Variants in CRYBG1 observed in about 807,000 individuals in gnomAD.
CRYBG1 encodes crystallin beta-gamma domain containing 1, also known as beta/gamma crystallin domain-containing protein 1.
A neutral mutation model predicts 189.2 loss-of-function variants in CRYBG1; 139 were observed. The observed-to-expected ratio is 0.73, with a 90% CI of 0.64 to 0.85. The LOEUF (loss-of-function observed/expected upper bound fraction) is 0.85, where lower values mean the gene tolerates loss of function less well. Among genes scored for constraint, CRYBG1 ranks in the 40% least tolerant of loss-of-function variants. The probability of loss-of-function intolerance (pLI) is 0.00; values close to 1 mark genes in which losing one functional copy is unlikely to be tolerated. For missense variants in CRYBG1, 2,611 were observed against 2,675.8 expected, an observed-to-expected ratio of 0.98 and a Z score of 0.53; for synonymous variants, 1,023 against 1,017.1, an observed-to-expected ratio of 1.01 and a Z score of -0.11.
chr6:106,392,149 G>T (rs942264819), intron 1 of CRYBG1, among the ~76,000 whole-genome samples: 3 of 152,102 alleles, frequency 2.0e-5, no homozygotes, highest in Non-Finnish European at 4.4e-5. Flanking sequence ...GTGTGGCTGT[G>T]GGAGTTACAA....
chr6:106,517,403 C>T (rs897076389), intron 3 of CRYBG1, among the ~76,000 whole-genome samples: 6 of 83,916 alleles, frequency 7.2e-5, no homozygotes, highest in Non-Finnish European at 1.7e-4. Flanking sequence ...TATATATATA[C>T]ACACACACAT....
chr6:106,485,242 A>T (rs926633217), intron 2 of CRYBG1, among the ~76,000 whole-genome samples: 3 of 152,082 alleles, frequency 2.0e-5, no homozygotes, highest in African/African-American at 7.2e-5. Context: ...AGATATCTTA[A>T]TTTTTTGTAG....
Position 106,552,221 on chromosome 6 carries a change from CT to C in CRYBG1, c.5472+8del. On this transcript the variant is annotated splice_donor_region_variant and intron_variant, in intron 15 of 21. Coordinates refer to ENST00000633556, the MANE Select transcript of CRYBG1 (RefSeq NM_001371242.2). ...GGCCCAAGGAGACGAAATCAGGTAA[CT>C]TTAAAAATATTCTTTTATATTAATA... is the stretch of plus-strand genomic sequence containing the variant. 6.5e-7 allele frequency: 1 copy of C among 1,538,238 alleles called. No homozygotes were observed. The highest frequency in any genetic ancestry group is 1.2e-5 in the South Asian group (1 of 82,518).
At chr6:106,517,461 TATACAC>T (rs369291996) in intron 3 of CRYBG1, among the ~76,000 whole-genome samples, 39 of 105,886 alleles carry the variant, frequency 3.7e-4, no homozygotes, top group South Asian at 3.6e-3. Flanking sequence ...CACATATATA[TATACAC>T]ACACACATAT....
chr6:106,551,743 C>A, intron 13 of CRYBG1, 109 bp from the exon 14 acceptor site: 1 of 1,286,748 alleles, frequency 7.8e-7, no homozygotes, highest in Non-Finnish European at 1.1e-6. Context: ...ATTAAAATTT[C>A]AATTGGCAAA....
At chr6:106,362,419 G>C (rs1470910189) in intron 1 of CRYBG1, among the ~76,000 whole-genome samples, 1 of 152,164 alleles carries the variant, frequency 6.6e-6, no homozygotes, top group Non-Finnish European at 1.5e-5. Context: ...AGTCTCTTGT[G>C]GATACCAAAA....
intron 2 of CRYBG1, among the ~76,000 whole-genome samples, chr6:106,486,969 T>C (rs973230781): frequency 6.6e-6 from 1 of 152,180 alleles, no homozygotes; most frequent in Non-Finnish European, 1.5e-5. Flanking sequence ...TCTGGTTTTT[T>C]TGTAGATTGT....
chr6:106,367,939 G>A (rs1173258238), intron 1 of CRYBG1, among the ~76,000 whole-genome samples: 14 of 152,128 alleles, frequency 9.2e-5, no homozygotes. Context: ...GACAGAGTGA[G>A]ACCTTGTCTC....
chr6:106,445,832 C>T (rs1007429202), intron 1 of CRYBG1, among the ~76,000 whole-genome samples: 5 of 152,214 alleles, frequency 3.3e-5, no homozygotes, highest in African/African-American at 1.2e-4. Context: ...GACAACACTG[C>T]TTCTGAAGGA....
intron 1 of CRYBG1, among the ~76,000 whole-genome samples, chr6:106,451,115 T>C (rs1242554083): frequency 6.6e-6 from 1 of 152,138 alleles, no homozygotes; most frequent in Non-Finnish European, 1.5e-5. Context: ...GGGAGAACAG[T>C]GAAGGGTTGG....
intron 1 of CRYBG1, among the ~76,000 whole-genome samples, chr6:106,433,312 T>C (rs1295891754): frequency 1.3e-5 from 2 of 152,216 alleles, no homozygotes; most frequent in African/African-American, 4.8e-5. Context: ...ATCTTCATAC[T>C]GTGCACCTCT....
At chr6:106,454,370 C>T (rs1004528199) in intron 2 of CRYBG1, among the ~76,000 whole-genome samples, 1 of 152,236 alleles carries the variant, frequency 6.6e-6, no homozygotes, top group Non-Finnish European at 1.5e-5. Context: ...CACCCACACA[C>T]ACACCCCACT....
intron 2 of CRYBG1, among the ~76,000 whole-genome samples, chr6:106,487,701 A>G (rs1772623161): frequency 6.6e-6 from 1 of 152,168 alleles, no homozygotes; most frequent in Non-Finnish European, 1.5e-5. Context: ...TTTCTCATAC[A>G]GATTATGAAT....
intron 2 of CRYBG1, among the ~76,000 whole-genome samples, chr6:106,470,382 A>T (rs2114465913): frequency 6.6e-6 from 1 of 152,180 alleles, no homozygotes; most frequent in Middle Eastern, 3.4e-3. Context: ...ACTGACAAAA[A>T]ATTGGCTATA....
At chr6:106,562,305 G>A (rs1384111674) in intron 20 of CRYBG1, among the ~76,000 whole-genome samples, 1 of 152,126 alleles carries the variant, frequency 6.6e-6, no homozygotes, top group Admixed American at 6.5e-5. Flanking sequence ...AGAAGTAGTT[G>A]TAATATGGAA....
At position 106,519,435 on chromosome 6, in the gene CRYBG1, C is replaced by T. The variant is rs151131041; in HGVS notation, c.2227C>T (p.Leu743=). The part of the protein sequence containing the change: ...VMPNSPQNGV[L]VKETAIETKV... Reference sequence around the variant, plus strand: ...GCCAAACAGTCCCCAGAATGGTGTGCTGGTTAAGGAAACTGCTATAGAAAC... The same window carrying T: ...GCCAAACAGTCCCCAGAATGGTGTGTTGGTTAAGGAAACTGCTATAGAAAC... Residue 743 remains leucine, a synonymous_variant, in exon 4 of 22, where the codon CTG becomes TTG. Transcript: ENST00000633556. 6.2e-7 allele frequency: 1 copy of T among 1,614,072 alleles called. No individual in the cohort carries two copies. Among genetic ancestry groups the T allele is most frequent in the African/African-American group, 1.3e-5 (1 of 75,038 alleles).
At chr6:106,487,163 T>C (rs541522885) in intron 2 of CRYBG1, among the ~76,000 whole-genome samples, 47 of 152,336 alleles carry the variant, frequency 3.1e-4, no homozygotes, top group Non-Finnish European at 5.4e-4. Context: ...TGTTAACAAC[T>C]TAACTTTGGT....
intron 4 of CRYBG1, among the ~76,000 whole-genome samples, chr6:106,524,234 T>G (rs763274764): frequency 2.6e-5 from 4 of 152,148 alleles, no homozygotes; most frequent in Non-Finnish European, 5.9e-5. Flanking sequence ...ATGATTAGTT[T>G]TGGAGCCATA....
chr6:106,500,385 ATTTTCATT>A (rs971128411), intron 2 of CRYBG1, among the ~76,000 whole-genome samples: 1 of 148,768 alleles, frequency 6.7e-6, no homozygotes, highest in African/African-American at 2.5e-5. Flanking sequence ...TATAATTTTC[ATTTTCATT>A]TCCCTGATGA....
Sources: allele counts gnomAD v4.1 joint callset (sites outside exome capture counted in the v4.1 genomes callset), GRCh38; gene constraint gnomAD v4.1.1; transcripts MANE v1.5; gene names NCBI Gene and HGNC (gene_info 2026-07-23, HGNC 2026-07-21).